The following OR51B5 variants were observed in gnomAD, a reference collection of about 807,000 sequenced individuals.
OR51B5 encodes olfactory receptor 51B5.
For synonymous variants in OR51B5, 186 were observed against 144.8 expected (o/e 1.28, Z -2.04); for missense variants, 456 against 374.6 (o/e 1.22, Z -1.79).
chr11:5,380,281 C>T (rs139097989), intron 1 of OR51B5, among the ~76,000 whole-genome samples: 384 of 152,232 alleles, frequency 2.5e-3, no homozygotes, highest in African/African-American at 8.9e-3. Context: ...ATGCAGGTGT[C>T]CAGGGAGGCA....
chr11:5,477,631 G>T, intron 1 of OR51B5, among the ~76,000 whole-genome samples: 1 of 152,166 alleles, frequency 6.6e-6, no homozygotes, highest in Non-Finnish European at 1.5e-5. Context: ...GTGCCAGACA[G>T]TCGGCGCAGG....
At chr11:5,475,806 A>G (rs762701263) in intron 1 of OR51B5, among the ~76,000 whole-genome samples, 4 of 152,246 alleles carry the variant, frequency 2.6e-5, no homozygotes, top group Non-Finnish European at 4.4e-5. Context: ...AACCATCAGC[A>G]TAACAGCATC....
At chr11:5,383,263 G>C (rs1849638679) in intron 1 of OR51B5, among the ~76,000 whole-genome samples, 1 of 152,166 alleles carries the variant, frequency 6.6e-6, no homozygotes, top group Non-Finnish European at 1.5e-5. Context: ...TTTGGGGTAG[G>C]ATTGAATATG....
intron 1 of OR51B5, among the ~76,000 whole-genome samples, chr11:5,388,939 T>G (rs1251147366): frequency 6.6e-6 from 1 of 152,152 alleles, no homozygotes; most frequent in Non-Finnish European, 1.5e-5. Flanking sequence ...AACATGACAT[T>G]TGACTTGAGC....
chr11:5,402,775 A>G (rs1341953336), intron 1 of OR51B5: 1 of 471,458 alleles, frequency 2.1e-6, no homozygotes, highest in East Asian at 6.9e-5. Context: ...GCCCTACATC[A>G]ACCCATGTAC....
At chr11:5,477,971 C>A (rs1159132820) in intron 1 of OR51B5, among the ~76,000 whole-genome samples, 2 of 152,034 alleles carry the variant, frequency 1.3e-5, no homozygotes, top group African/African-American at 4.8e-5. Flanking sequence ...CTTAGGTAAA[C>A]AAAGCAGCCG....
At chr11:5,430,669 T>C in intron 1 of OR51B5, 1 of 455,000 alleles carries the variant, frequency 2.2e-6, no homozygotes, top group Non-Finnish European at 4.4e-6. Context: ...CAATTCCCTC[T>C]TGCAGGAAAA....
intron 1 of OR51B5, among the ~76,000 whole-genome samples, chr11:5,369,793 G>A (rs375394766): frequency 6.6e-6 from 1 of 152,144 alleles, no homozygotes; most frequent in Admixed American, 6.6e-5. Flanking sequence ...TTTCCATGAT[G>A]CCACACTAAA....
At chr11:5,433,795 G>A (rs1850561720) in intron 1 of OR51B5, among the ~76,000 whole-genome samples, 1 of 151,902 alleles carries the variant, frequency 6.6e-6, no homozygotes, top group Admixed American at 6.6e-5. Context: ...TTGCACCACT[G>A]TACTTCAGCC....
chr11:5,465,062 C>T (rs1178084704), intron 1 of OR51B5, among the ~76,000 whole-genome samples: 22 of 151,530 alleles, frequency 1.5e-4, no homozygotes, highest in Non-Finnish European at 8.9e-5. Context: ...GAAAATTGTC[C>T]GGGCGTAGTG....
chr11:5,399,163 T>C (rs1372132049), intron 1 of OR51B5, among the ~76,000 whole-genome samples: 1 of 152,196 alleles, frequency 6.6e-6, no homozygotes, highest in African/African-American at 2.4e-5. Flanking sequence ...TGCCATCATA[T>C]TATCTTGGGT....
intron 1 of OR51B5, chr11:5,469,058 A>C (rs1851183601): frequency 1.1e-5 from 3 of 270,268 alleles, no homozygotes; most frequent in South Asian, 3.7e-5. Flanking sequence ...ATAGTGGTCA[A>C]AACTCATGGC....
intron 1 of OR51B5, among the ~76,000 whole-genome samples, chr11:5,395,136 AG>A (rs1849848537): frequency 6.6e-6 from 1 of 152,180 alleles, no homozygotes; most frequent in South Asian, 2.1e-4. Context: ...GCTTTGGTCT[AG>A]GAGGATGCTA....
At chr11:5,477,555 G>A (rs976060350) in intron 1 of OR51B5, among the ~76,000 whole-genome samples, 1 of 152,232 alleles carries the variant, frequency 6.6e-6, no homozygotes, top group African/African-American at 2.4e-5. Flanking sequence ...CTCCCAGCAT[G>A]AGCAACGCAG....
intron 1 of OR51B5, among the ~76,000 whole-genome samples, chr11:5,494,644 C>T (rs7930383): frequency 0.035 from 5,260 of 152,146 alleles, 303 homozygotes; most frequent in African/African-American, 0.12. Flanking sequence ...GTTTAAATCC[C>T]GCTGCCATCA....
chr11:5,498,093 G>A (rs955670548), intron 1 of OR51B5, among the ~76,000 whole-genome samples: 6 of 152,082 alleles, frequency 3.9e-5, no homozygotes, highest in East Asian at 1.9e-4. Flanking sequence ...AGCTAGTGAG[G>A]CCTCCCTAAG....
At chr11:5,488,368 G>A (rs1440507931) in intron 1 of OR51B5, among the ~76,000 whole-genome samples, 1 of 152,134 alleles carries the variant, frequency 6.6e-6, no homozygotes, top group Non-Finnish European at 1.5e-5. Flanking sequence ...AATATCCCAT[G>A]ATGTGGATGG....
chr11:5,397,983 T>C (rs2133737695), intron 1 of OR51B5, among the ~76,000 whole-genome samples: 1 of 152,086 alleles, frequency 6.6e-6, no homozygotes, highest in South Asian at 2.1e-4. Context: ...TTCTCACTCA[T>C]AGGTGGGAAC....
intron 1 of OR51B5, among the ~76,000 whole-genome samples, chr11:5,427,789 G>T (rs565036583): frequency 6.6e-6 from 1 of 151,862 alleles, no homozygotes; most frequent in Non-Finnish European, 1.5e-5. Flanking sequence ...TATTTCATAC[G>T]GGAATGATAT....
Sources: gnomAD v4.1 joint callset for allele counts (sites outside exome capture counted in the v4.1 genomes callset) on GRCh38, gnomAD v4.1.1 for gene constraint, MANE v1.5 for transcripts, NCBI Gene and HGNC (gene_info 2026-07-23, HGNC 2026-07-21) for gene names.